The following CHL1 variants were observed in gnomAD, a reference collection of about 807,000 sequenced individuals.
CHL1 encodes cell adhesion molecule L1 like, also known as neural cell adhesion molecule L1-like protein.
Under a neutral mutation model 141.9 loss-of-function variants are expected in CHL1, and 96 were observed. The observed-to-expected ratio is 0.68, with a 90% confidence interval of 0.57 to 0.80. The LOEUF (loss-of-function observed/expected upper bound fraction) is 0.80, where lower values mean the gene tolerates loss of function less well. Ranked by LOEUF, CHL1 falls within the 30% of genes least tolerant of loss-of-function variation. CHL1 has a pLI of 0.00. For missense variants in CHL1, 1,820 were observed against 1,457.2 expected (o/e 1.25, Z -4.05); for synonymous variants, 613 against 502.2 (o/e 1.22, Z -2.95).
In CHL1 at chr3:361,749, G is replaced by C. The variant is rs779625851; in HGVS notation, c.1357G>C (p.Val453Leu). 7 of 1,613,654 alleles carry C rather than the reference G, an allele frequency of 4.3e-6. No homozygotes were observed. In the East Asian group the frequency reaches 1.3e-4, roughly 31 times the overall value. The change falls in exon 13 of 28, where the codon GTT (valine) becomes CTT (leucine). Residue 453 changes from valine to leucine, a missense_variant. Transcript: ENST00000256509. ...AGATGGAGAAAATTACGCTACAGTG[G>C]TTGGGTACAGTGCTTTCTTACATTG... Reference protein sequence around the residue: ...TKDGENYATVVGYSAFLHCEF... With the variant: ...TKDGENYATVLGYSAFLHCEF...
chr3:350,738 G>T (rs1163336350), intron 10 of CHL1, among the ~76,000 whole-genome samples: 1 of 152,098 alleles, frequency 6.6e-6, no homozygotes, highest in Non-Finnish European at 1.5e-5. Flanking sequence ...ATTATTTAAG[G>T]TAGGAAGAAT....
At chr3:377,794 A>C in intron 15 of CHL1, 24 bp from the exon 16 acceptor site, 1 of 1,583,910 alleles carries the variant, frequency 6.3e-7, no homozygotes, top group Non-Finnish European at 8.6e-7. Context: ...CCTTCTCATC[A>C]TGTACTCACT....
Position 254,635 on chromosome 3 carries a change from T to C in CHL1, c.-95+9943T>C, listed in dbSNP as rs551027373. On this transcript the variant is annotated intron_variant, in intron 2 of 27. Transcript: ENST00000256509. ...CACAGACTGGATACCTTGTGGATAG[T>C]AGAAATTTATGTCTCACAGTTCTGG... Among the ~76,000 whole-genome samples the C allele has an allele frequency of 9.2e-5, 14 of 152,250 alleles. No homozygotes were observed. The East Asian group carries it at 1.7e-3, about 19-fold the overall frequency.
chr3:314,288 C>G (rs76310080), intron 2 of CHL1, among the ~76,000 whole-genome samples: 11,631 of 134,774 alleles, frequency 0.086, 862 homozygotes, highest in East Asian at 0.34. Context: ...TAACCTCCCC[C>G]CAATCTTGCA....
chr3:382,742 A>G, intron 18 of CHL1, 71 bp downstream of exon 18: 1 of 1,313,572 alleles, frequency 7.6e-7, no homozygotes, highest in Non-Finnish European at 1.1e-6. Context: ...TCTAAAAAAA[A>G]AAGATTGATA....
At chr3:311,250 C>G (rs1699727157) in intron 2 of CHL1, among the ~76,000 whole-genome samples, 1 of 152,152 alleles carries the variant, frequency 6.6e-6, no homozygotes, top group East Asian at 1.9e-4. Flanking sequence ...AGTTCAATGG[C>G]TGGATCACAT....
intron 20 of CHL1, 143 bp downstream of exon 20, chr3:389,617 C>G (rs1708060335): frequency 9.3e-6 from 6 of 646,288 alleles, no homozygotes; most frequent in Non-Finnish European, 1.6e-5. Flanking sequence ...AAATATAACA[C>G]ATGACTTCTA....
chr3:277,051 C>T lies in CHL1; in HGVS notation c.-95+32359C>T, dbSNP rs547203713. 6.6e-5 allele frequency among the ~76,000 whole-genome samples: 10 copies of T among 152,104 alleles called. No homozygotes were observed. In the South Asian group the frequency reaches 1.0e-3, roughly 16 times the overall value. ...TTGGAGATAATGATTGTACCTGCCT[C>T]ATAGGATTATTATTATTAAGATTAA... On this transcript the variant is annotated intron_variant, in intron 2 of 27. Coordinates refer to ENST00000256509, the MANE Select transcript of CHL1 (RefSeq NM_006614.4).
intron 2 of CHL1, among the ~76,000 whole-genome samples, chr3:302,455 G>T (rs970214630): frequency 6.6e-6 from 1 of 152,170 alleles, no homozygotes; most frequent in Admixed American, 6.5e-5. Flanking sequence ...GCATGAGATG[G>T]CATCTCATTG....
At chr3:362,574 A>T (rs1387133228) in intron 13 of CHL1, among the ~76,000 whole-genome samples, 1 of 152,052 alleles carries the variant, frequency 6.6e-6, no homozygotes, top group Non-Finnish European at 1.5e-5. Context: ...GCCTCAGCCT[A>T]GTCCCTGTCC....
intron 27 of CHL1, among the ~76,000 whole-genome samples, chr3:402,725 A>C (rs1340008841): frequency 1.3e-5 from 2 of 152,194 alleles, no homozygotes; most frequent in Non-Finnish European, 2.9e-5. Context: ...TACTTAGTCA[A>C]TACCCTTTTT....
intron 15 of CHL1, among the ~76,000 whole-genome samples, chr3:371,885 G>A (rs972515587): frequency 6.6e-5 from 10 of 152,174 alleles, no homozygotes; most frequent in Admixed American, 6.5e-4. Context: ...GACAGGATAT[G>A]AAATTCTGGG....
At chr3:391,327 C>T (rs1192135730) in intron 22 of CHL1, among the ~76,000 whole-genome samples, 168 bp downstream of exon 22, 1 of 152,132 alleles carries the variant, frequency 6.6e-6, no homozygotes, top group Non-Finnish European at 1.5e-5. Context: ...ACCAGCTTGG[C>T]CAACATGATG....
At chr3:278,382 G>A (rs934646580) in intron 2 of CHL1, among the ~76,000 whole-genome samples, 1 of 152,174 alleles carries the variant, frequency 6.6e-6, no homozygotes, top group East Asian at 1.9e-4. Flanking sequence ...TAATGTGGGA[G>A]CTGTCATGTT....
At chr3:356,694 G>C (rs116531265) in intron 11 of CHL1, among the ~76,000 whole-genome samples, 75 of 152,220 alleles carry the variant, frequency 4.9e-4, no homozygotes, top group Non-Finnish European at 4.4e-4. Flanking sequence ...TAAATAGCAG[G>C]GAAAGTGCTG....
intron 2 of CHL1, among the ~76,000 whole-genome samples, chr3:286,607 T>G: frequency 1.1e-5 from 1 of 92,668 alleles, no homozygotes; most frequent in African/African-American, 6.7e-5. Context: ...TGAGACTTTG[T>G]CTCAAAAAAA....
intron 3 of CHL1, 25 bp from the exon 4 acceptor site, chr3:325,931 GTTT>G: frequency 2.0e-6 from 3 of 1,504,696 alleles, no homozygotes; most frequent in Non-Finnish European, 2.8e-6. Context: ...TGAATAGTGT[GTTT>G]TTAAGTACAT....
intron 1 of CHL1, among the ~76,000 whole-genome samples, chr3:202,014 G>A (rs73088634): frequency 0.029 from 4,471 of 152,214 alleles, 212 homozygotes; most frequent in African/African-American, 0.1. Context: ...AGCAGGAAGC[G>A]AACTGTTGTG....
chr3:409,415 A>C lies in CHL1; in HGVS notation c.*3704A>C, dbSNP rs1323030315. 1 of 152,080 alleles carries C rather than the reference A, an allele frequency of 6.6e-6. No homozygotes were observed. The highest frequency in any genetic ancestry group is 1.5e-5 in the Non-Finnish European group (1 of 67,978). The allele number at this position is 152,080 out of a possible 1,614,324, so 9.4% of individuals were successfully genotyped here. A position where few individuals can be genotyped will look rare whatever the true frequency, so the allele number is the denominator to read the frequency against. ...AAAAGTTCTACTTCATGTAATCCAA[A>C]AATGTTTGTATTCTGTTCTATATAG... On this transcript the variant is annotated 3_prime_UTR_variant, in exon 28 of 28. Coordinates refer to ENST00000256509, the MANE Select transcript of CHL1 (RefSeq NM_006614.4).
Sources: allele counts gnomAD v4.1 joint callset (sites outside exome capture counted in the v4.1 genomes callset), GRCh38; gene constraint gnomAD v4.1.1; transcripts MANE v1.5; gene names NCBI Gene and HGNC (gene_info 2026-07-23, HGNC 2026-07-21).